The following WWOX variants were observed in gnomAD, a reference collection of about 807,000 sequenced individuals.
The protein encoded by WWOX is WW domain-containing oxidoreductase.
A neutral mutation model predicts 46.2 loss-of-function variants in WWOX; 69 were observed. The ratio of observed to expected loss-of-function variants is 1.49; its 90% CI spans 1.23 to 1.82. The LOEUF is 1.82. Among genes scored for constraint, WWOX ranks in the 40% most tolerant of loss-of-function variants. The pLI, the probability that WWOX is intolerant of heterozygous loss-of-function variation, is 0.00. For missense variants in WWOX, 919 were observed against 542.6 expected (o/e 1.69, Z -6.89); for synonymous variants, 359 against 202.6 (o/e 1.77, Z -6.56).
chr16:78,945,850 G>A (rs4888885), intron 8 of WWOX, among the ~76,000 whole-genome samples: 106,940 of 151,892 alleles, frequency 0.7, 37,951 homozygotes, highest in East Asian at 0.82. Context: ...ACTTCATCTC[G>A]TAGTCACTGG....
intron 8 of WWOX, among the ~76,000 whole-genome samples, chr16:79,165,360 C>T (rs944933729): frequency 6.6e-6 from 1 of 152,126 alleles, no homozygotes; most frequent in Non-Finnish European, 1.5e-5. Flanking sequence ...GTCGTGGAAA[C>T]AACATGGGCT....
At chr16:78,748,092 C>T (rs1404357807) in intron 8 of WWOX, among the ~76,000 whole-genome samples, 2 of 152,132 alleles carry the variant, frequency 1.3e-5, no homozygotes, top group East Asian at 1.9e-4. Context: ...ACAGACTCTG[C>T]TCTTTCTCTC....
chr16:78,880,937 T>G (rs767746594), intron 8 of WWOX, among the ~76,000 whole-genome samples: 5 of 152,130 alleles, frequency 3.3e-5, no homozygotes, highest in African/African-American at 4.8e-5. Context: ...AAGCACTTTT[T>G]TTTTTCATTA....
At chr16:78,752,917 G>A (rs779773137) in intron 8 of WWOX, among the ~76,000 whole-genome samples, 2 of 152,312 alleles carry the variant, frequency 1.3e-5, no homozygotes, top group East Asian at 1.9e-4. Context: ...CAGCAGCAAC[G>A]GCACACTCCA....
intron 5 of WWOX, among the ~76,000 whole-genome samples, chr16:78,266,788 T>TTCTCTCTCTCTCTC (rs60393431): frequency 0.046 from 5,272 of 115,458 alleles, 405 homozygotes; most frequent in East Asian, 0.14. Context: ...TATTCTTCTA[T>TTCTCTCTCTCTCTC]TCTCTCTCTC....
intron 8 of WWOX, among the ~76,000 whole-genome samples, chr16:79,119,610 C>A (rs945655118): frequency 6.6e-6 from 1 of 152,170 alleles, no homozygotes; most frequent in Non-Finnish European, 1.5e-5. Flanking sequence ...GGCATGGATT[C>A]AATAATGTGC....
chr16:79,120,659 CA>C (rs2049611089), intron 8 of WWOX, among the ~76,000 whole-genome samples: 1 of 152,194 alleles, frequency 6.6e-6, no homozygotes, highest in African/African-American at 2.4e-5. Context: ...TTCCCGGCTT[CA>C]GGTCGCGGTA....
At chr16:78,848,818 C>G (rs758007650) in intron 8 of WWOX, among the ~76,000 whole-genome samples, 17 of 150,912 alleles carry the variant, frequency 1.1e-4, no homozygotes, top group East Asian at 4.0e-4. Flanking sequence ...TTAACCTCCT[C>G]TGAGATTTTT....
At chr16:78,303,614 G>A (rs776051906) in intron 5 of WWOX, among the ~76,000 whole-genome samples, 22 of 152,024 alleles carry the variant, frequency 1.4e-4, no homozygotes, top group Non-Finnish European at 2.8e-4. Flanking sequence ...GCACAATCTC[G>A]GCTCACTGCA....
rs140970380 is a variant in WWOX at position 78,648,055 on chromosome 16, T to C, written c.1056+215303T>C. ...TATCTGTACCCCACACTTACTCTTA[T>C]TCACCCAGAACAGGTGTGTGCCACC... On this transcript the variant is annotated intron_variant, in intron 8 of 8. Transcript: ENST00000566780. 1.2e-4 allele frequency among the ~76,000 whole-genome samples: 18 copies of C among 152,336 alleles called. No individual in the cohort carries two copies. In the East Asian group the frequency reaches 2.9e-3, roughly 24 times the overall value.
At chr16:78,740,048 A>G (rs887348821) in intron 8 of WWOX, among the ~76,000 whole-genome samples, 1 of 152,038 alleles carries the variant, frequency 6.6e-6, no homozygotes, top group Non-Finnish European at 1.5e-5. Context: ...TTGACCACCT[A>G]ACTGACCCCA....
chr16:79,041,355 C>G (rs1451763546), intron 8 of WWOX, among the ~76,000 whole-genome samples: 1 of 152,150 alleles, frequency 6.6e-6, no homozygotes, highest in Non-Finnish European at 1.5e-5. Flanking sequence ...CTCTAGGAAG[C>G]CTTCCTTGCT....
intron 6 of WWOX, among the ~76,000 whole-genome samples, chr16:78,393,705 C>G (rs572907721): frequency 6.6e-6 from 1 of 152,000 alleles, no homozygotes; most frequent in Non-Finnish European, 1.5e-5. Context: ...AATAATTACC[C>G]AAGTCCAAAC....
chr16:78,370,396 T>C (rs902138425), intron 5 of WWOX, among the ~76,000 whole-genome samples: 2 of 152,162 alleles, frequency 1.3e-5, no homozygotes, highest in African/African-American at 4.8e-5. Flanking sequence ...TCATTAATAT[T>C]ATTCATTGGA....
rs150613009 is a variant in WWOX at position 78,808,732 on chromosome 16, C to T, written c.1056+375980C>T. On this transcript the variant is annotated intron_variant, in intron 8 of 8. Coordinates refer to ENST00000566780, the MANE Select transcript of WWOX (RefSeq NM_016373.4). ...TGAGTGGTTCCATATTAATATCCTA[C>T]GTCAAAGATGAGTAAATTGAGATGC... Among the ~76,000 whole-genome samples, 37 of 152,252 alleles carry T rather than the reference C, an allele frequency of 2.4e-4. No individual in the cohort carries two copies. In the East Asian group the frequency reaches 6.4e-3, roughly 26 times the overall value.
intron 7 of WWOX, among the ~76,000 whole-genome samples, chr16:78,428,968 A>C (rs543746183): frequency 6.6e-6 from 1 of 152,324 alleles, no homozygotes; most frequent in South Asian, 2.1e-4. Context: ...GAAACAAGGG[A>C]AACTGTCAAA....
chr16:79,023,249 A>G (rs1181803535), intron 8 of WWOX, among the ~76,000 whole-genome samples: 1 of 152,230 alleles, frequency 6.6e-6, no homozygotes, highest in Admixed American at 6.5e-5. Context: ...GTGTAATAAA[A>G]GAATTACTGT....
At chr16:78,490,133 ATT>A (rs1555548515) in intron 8 of WWOX, among the ~76,000 whole-genome samples, 3 of 141,058 alleles carry the variant, frequency 2.1e-5, no homozygotes, top group Non-Finnish European at 3.1e-5. Flanking sequence ...TGGGGAAAAA[ATT>A]TTTTTTTTTT....
At chr16:78,288,151 G>C (rs1015576285) in intron 5 of WWOX, among the ~76,000 whole-genome samples, 3 of 151,812 alleles carry the variant, frequency 2.0e-5, no homozygotes, top group Non-Finnish European at 2.9e-5. Flanking sequence ...TTATAGACTA[G>C]GTTTTTAAAT....
Sources: gnomAD v4.1 joint callset for allele counts (sites outside exome capture counted in the v4.1 genomes callset) on GRCh38, gnomAD v4.1.1 for gene constraint, MANE v1.5 for transcripts, NCBI Gene and HGNC (gene_info 2026-07-23, HGNC 2026-07-21) for gene names.